TCF12: variants seen among roughly 807,000 people sequenced by gnomAD.
TCF12 encodes transcription factor 12.
Under a neutral mutation model 86.0 loss-of-function variants are expected in TCF12, and 45 were observed. The ratio of observed to expected loss-of-function variants is 0.52; its 90% CI spans 0.41 to 0.67. TCF12 has a LOEUF of 0.67. Ranked by LOEUF, TCF12 falls within the 30% of genes least tolerant of loss-of-function variation. The pLI is 0.00. For missense variants in TCF12, 881 were observed against 859.9 expected (o/e 1.02, Z -0.31); for synonymous variants, 330 against 299.6 (o/e 1.10, Z -1.05).
intron 3 of TCF12, among the ~76,000 whole-genome samples, chr15:57,048,739 A>G (rs532975061): frequency 1.5e-4 from 23 of 152,128 alleles, no homozygotes; most frequent in Non-Finnish European, 2.6e-4. Context: ...GTATGTACCC[A>G]TTATCCTCTG....
chr15:57,248,009 A>C, intron 13 of TCF12: 1 of 714,246 alleles, frequency 1.4e-6, no homozygotes, highest in Non-Finnish European at 2.6e-6. Context: ...CAGTGGTGGC[A>C]ACGGCTGCAG....
intron 3 of TCF12, among the ~76,000 whole-genome samples, chr15:57,055,010 T>A (rs1172905744): frequency 6.6e-6 from 1 of 152,028 alleles, no homozygotes; most frequent in Admixed American, 6.6e-5. Context: ...TTTCCTAAGC[T>A]CTATGTGTTT....
chr15:57,153,868 AC>A (rs1356437786), intron 5 of TCF12, among the ~76,000 whole-genome samples: 3 of 151,926 alleles, frequency 2.0e-5, no homozygotes, highest in Non-Finnish European at 4.4e-5. Context: ...CAAAAAAAAA[AC>A]CAGGTATAGT....
intron 6 of TCF12, among the ~76,000 whole-genome samples, chr15:57,168,136 A>C (rs1350621171): frequency 2.0e-5 from 3 of 152,168 alleles, no homozygotes; most frequent in Admixed American, 6.5e-5. Context: ...ATGTAGCCAG[A>C]TTGCATCTCT....
At chr15:57,171,287 A>G (rs535028572) in intron 6 of TCF12, among the ~76,000 whole-genome samples, 3 of 152,222 alleles carry the variant, frequency 2.0e-5, no homozygotes, top group South Asian at 4.1e-4. Flanking sequence ...AGGAAGCCCA[A>G]AATTCAGCAG....
intron 3 of TCF12, among the ~76,000 whole-genome samples, chr15:57,025,911 G>A (rs1039785751): frequency 6.6e-6 from 1 of 152,208 alleles, no homozygotes; most frequent in African/African-American, 2.4e-5. Context: ...CTCGTCAACT[G>A]TAGTGACTTA....
At chr15:56,966,319 A>T (rs1016718601) in intron 3 of TCF12, among the ~76,000 whole-genome samples, 2 of 152,150 alleles carry the variant, frequency 1.3e-5, no homozygotes, top group African/African-American at 2.4e-5. Flanking sequence ...CATTACTTTC[A>T]ATGGCAGAAA....
chr15:57,133,795 A>C (rs2052323658), intron 5 of TCF12, among the ~76,000 whole-genome samples: 1 of 151,368 alleles, frequency 6.6e-6, no homozygotes, highest in Non-Finnish European at 1.5e-5. Flanking sequence ...TCAGGTTCCT[A>C]CTCCTTCTGT....
At chr15:57,032,793 A>C (rs1343487538) in intron 3 of TCF12, among the ~76,000 whole-genome samples, 1 of 152,230 alleles carries the variant, frequency 6.6e-6, no homozygotes, top group Non-Finnish European at 1.5e-5. Context: ...GATATAATCC[A>C]AAGTTACTTG....
At chr15:57,169,810 T>G (rs1408039329) in intron 6 of TCF12, among the ~76,000 whole-genome samples, 5 of 152,214 alleles carry the variant, frequency 3.3e-5, no homozygotes, top group Non-Finnish European at 5.9e-5. Context: ...ATTTATACCC[T>G]CTTGGCAAAG....
intron 19 of TCF12, among the ~76,000 whole-genome samples, chr15:57,279,953 G>A (rs2061607962): frequency 6.9e-6 from 1 of 145,334 alleles, no homozygotes; most frequent in East Asian, 2.0e-4. Flanking sequence ...GAGTGCAGTG[G>A]CGCGATTTCG....
intron 3 of TCF12, among the ~76,000 whole-genome samples, chr15:57,048,630 T>C (rs2141541775): frequency 6.6e-6 from 1 of 152,312 alleles, no homozygotes; most frequent in Non-Finnish European, 1.5e-5. Context: ...GACATGGCAC[T>C]CTCTATCATT....
At chr15:56,967,145 CAAA>C (rs35618060) in intron 3 of TCF12, among the ~76,000 whole-genome samples, 11 of 149,034 alleles carry the variant, frequency 7.4e-5, no homozygotes, top group African/African-American at 2.2e-4. Context: ...CCTCCCCCAC[CAAA>C]AAAAAAATAT....
At chr15:57,264,456 C>G (rs943362350) in intron 18 of TCF12, among the ~76,000 whole-genome samples, 3 of 151,996 alleles carry the variant, frequency 2.0e-5, no homozygotes, top group African/African-American at 7.2e-5. Flanking sequence ...CCACCTCATC[C>G]TCCCAAAATG....
intron 3 of TCF12, among the ~76,000 whole-genome samples, chr15:56,991,871 G>T (rs1346756930): frequency 1.3e-5 from 2 of 151,924 alleles, no homozygotes; most frequent in African/African-American, 2.4e-5. Flanking sequence ...AACCATCAGG[G>T]TATAGAAAAA....
At chr15:57,225,220 CTTTTTTT>C (rs139530756) in intron 8 of TCF12, among the ~76,000 whole-genome samples, 2 of 39,760 alleles carry the variant, frequency 5.0e-5, no homozygotes, top group Non-Finnish European at 8.5e-5. Flanking sequence ...CTGATATATG[CTTTTTTT>C]TTTTTTTTTT....
At chr15:57,243,279 T>C (rs1264994253) in intron 12 of TCF12, among the ~76,000 whole-genome samples, 193 bp from the exon 13 acceptor site, 1 of 152,220 alleles carries the variant, frequency 6.6e-6, no homozygotes, top group Non-Finnish European at 1.5e-5. Context: ...TATTAGACTA[T>C]ATATACTTTT....
intron 18 of TCF12, among the ~76,000 whole-genome samples, chr15:57,271,741 T>C (rs1864873605): frequency 6.6e-6 from 1 of 152,200 alleles, no homozygotes; most frequent in African/African-American, 2.4e-5. Flanking sequence ...ACCTCGGCAA[T>C]GTATTTTTTT....
intron 3 of TCF12, among the ~76,000 whole-genome samples, chr15:57,029,853 G>T (rs751143387): frequency 1.3e-5 from 2 of 152,248 alleles, no homozygotes; most frequent in African/African-American, 4.8e-5. Flanking sequence ...TTTGACACTG[G>T]CTTCTTTCAC....
Sources: allele counts gnomAD v4.1 joint callset (sites outside exome capture counted in the v4.1 genomes callset), GRCh38; gene constraint gnomAD v4.1.1; transcripts MANE v1.5; gene names NCBI Gene and HGNC (gene_info 2026-07-23, HGNC 2026-07-21).